The following EYS variants were observed in gnomAD, a reference collection of about 807,000 sequenced individuals.
EYS encodes the protein protein eyes shut homolog.
EYS carries 250 observed loss-of-function variants against 282.1 expected under a neutral mutation model. The observed-to-expected ratio is 0.89, with a 90% confidence interval of 0.80 to 0.98. The LOEUF (loss-of-function observed/expected upper bound fraction) is 0.98. EYS is among the 50% of genes least tolerant of loss of function. EYS has a pLI of 0.00. For missense variants in EYS, 4,016 were observed against 3,709.0 expected (o/e 1.08, Z -2.15); for synonymous variants, 1,355 against 1,282.9 (o/e 1.06, Z -1.20).
intron 36 of EYS, 27 bp downstream of exon 36, chr6:63,864,159 C>T (rs935364985): frequency 7.0e-7 from 1 of 1,438,410 alleles, no homozygotes; most frequent in Non-Finnish European, 9.2e-7. Flanking sequence ...TGTCTGTGCT[C>T]CATGTTTAAT....
chr6:65,532,299 C>A (rs565382563), intron 2 of EYS, among the ~76,000 whole-genome samples: 1 of 152,020 alleles, frequency 6.6e-6, no homozygotes. Context: ...TATTTTAAAG[C>A]CTTCATATTT....
intron 30 of EYS, among the ~76,000 whole-genome samples, chr6:64,298,308 T>A (rs1769110288): frequency 1.3e-5 from 2 of 150,328 alleles, no homozygotes; most frequent in South Asian, 4.2e-4. Flanking sequence ...TATTTTGTTT[T>A]CTAAATAATT....
chr6:64,787,343 G>A (rs2149997937), intron 22 of EYS, among the ~76,000 whole-genome samples: 1 of 152,200 alleles, frequency 6.6e-6, no homozygotes, highest in Non-Finnish European at 1.5e-5. Context: ...GTATAAAATT[G>A]GAAAGACATT....
intron 37 of EYS, among the ~76,000 whole-genome samples, chr6:63,796,735 G>A (rs917814393): frequency 3.9e-5 from 6 of 152,162 alleles, no homozygotes; most frequent in Non-Finnish European, 5.9e-5. Flanking sequence ...AGTTTTGGCT[G>A]CTCACTTCCA....
At chr6:64,962,840 TA>T (rs1021720392) in intron 14 of EYS, among the ~76,000 whole-genome samples, 9 of 152,132 alleles carry the variant, frequency 5.9e-5, no homozygotes, top group African/African-American at 2.2e-4. Context: ...ATATCTTAAT[TA>T]AAAAATGATT....
At chr6:63,989,844 A>G (rs1767530495) in intron 34 of EYS, among the ~76,000 whole-genome samples, 1 of 151,482 alleles carries the variant, frequency 6.6e-6, no homozygotes, top group African/African-American at 2.4e-5. Flanking sequence ...TATTTTATAT[A>G]TATATATGGC....
chr6:65,146,719 TC>T, intron 12 of EYS, among the ~76,000 whole-genome samples: 1 of 152,166 alleles, frequency 6.6e-6, no homozygotes, highest in South Asian at 2.1e-4. Context: ...TTTTACATTT[TC>T]TTCCTTTTTT....
At chr6:65,195,317 A>C (rs2150242388) in intron 12 of EYS, among the ~76,000 whole-genome samples, 1 of 152,148 alleles carries the variant, frequency 6.6e-6, no homozygotes, top group South Asian at 2.1e-4. Flanking sequence ...GTATCAATAT[A>C]TTTCATATAA....
At chr6:63,780,809 A>G (rs938976340) in intron 39 of EYS, among the ~76,000 whole-genome samples, 5 of 152,204 alleles carry the variant, frequency 3.3e-5, no homozygotes, top group Non-Finnish European at 7.3e-5. Flanking sequence ...TGTTTTAGAC[A>G]TGAAGTCCTT....
chr6:65,336,979 C>A (rs1225491477), intron 10 of EYS, among the ~76,000 whole-genome samples: 5 of 151,384 alleles, frequency 3.3e-5, no homozygotes, highest in Admixed American at 6.6e-5. Flanking sequence ...TCTTTAAAAT[C>A]ATTTCTCTGC....
intron 30 of EYS, among the ~76,000 whole-genome samples, chr6:64,272,144 C>T (rs991432615): frequency 6.6e-6 from 1 of 151,994 alleles, no homozygotes. Context: ...TATAGAAACC[C>T]ATAGGGATTT....
At chr6:64,720,185 G>C (rs1201085746) in intron 22 of EYS, among the ~76,000 whole-genome samples, 1 of 152,172 alleles carries the variant, frequency 6.6e-6, no homozygotes, top group African/African-American at 2.4e-5. Context: ...GCCAGCAGCT[G>C]TTAGCTTATA....
In EYS at chr6:64,363,004, T is replaced by C. The variant is rs561564612; in HGVS notation, c.6078+25686A>G. Among the ~76,000 whole-genome samples the C allele has an allele frequency of 3.9e-3, 592 of 151,474 alleles. 4 individuals carry two copies. The highest frequency in any genetic ancestry group is 6.4e-3 in the Non-Finnish European group (433 of 67,726). On this transcript the variant is annotated intron_variant, in intron 29 of 42. Coordinates refer to ENST00000503581, the MANE Select transcript of EYS (RefSeq NM_001142800.2). ...CATTTTCTTTCATTTTCTCTTTCTT[T>C]TTTTTTTGTGCAGTGTGTGATCATG...
intron 12 of EYS, among the ~76,000 whole-genome samples, chr6:65,196,710 C>A (rs192403588): frequency 1.3e-5 from 2 of 151,966 alleles, no homozygotes; most frequent in Non-Finnish European, 2.9e-5. Flanking sequence ...AAGAGCACAG[C>A]GAATGAAGGA....
chr6:65,239,549 T>G (rs1039159301), intron 12 of EYS, among the ~76,000 whole-genome samples: 2 of 152,080 alleles, frequency 1.3e-5, no homozygotes, highest in Admixed American at 1.3e-4. Context: ...CCTTTAATAT[T>G]TTTTTCACCT....
chr6:64,596,636 A>C (rs566800628), intron 24 of EYS, among the ~76,000 whole-genome samples: 1 of 152,278 alleles, frequency 6.6e-6, no homozygotes, highest in East Asian at 1.9e-4. Flanking sequence ...TAAATAGCGC[A>C]GGGAAAACTG....
At chr6:64,600,460 G>A (rs181862316) in intron 24 of EYS, among the ~76,000 whole-genome samples, 1 of 152,006 alleles carries the variant, frequency 6.6e-6, no homozygotes, top group Non-Finnish European at 1.5e-5. Context: ...AATATCAAAT[G>A]TTAAGAATAC....
chr6:65,636,010 T>C (rs1180826080), intron 2 of EYS, among the ~76,000 whole-genome samples: 1 of 152,226 alleles, frequency 6.6e-6, no homozygotes, highest in Non-Finnish European at 1.5e-5. Context: ...ATCTTCTGTG[T>C]AGTGTGGCAG....
At chr6:64,730,539 C>T (rs572756658) in intron 22 of EYS, among the ~76,000 whole-genome samples, 5 of 152,204 alleles carry the variant, frequency 3.3e-5, no homozygotes, top group South Asian at 2.1e-4. Context: ...AGTGCAGTGG[C>T]GCGATCTTGG....
Sources: allele counts gnomAD v4.1 joint callset (sites outside exome capture counted in the v4.1 genomes callset), GRCh38; gene constraint gnomAD v4.1.1; transcripts MANE v1.5; gene names NCBI Gene and HGNC (gene_info 2026-07-23, HGNC 2026-07-21).